AGPAT2: variants seen among roughly 807,000 people sequenced by gnomAD.
AGPAT2 encodes the protein 1-acyl-sn-glycerol-3-phosphate acyltransferase beta.
A neutral mutation model predicts 26.1 loss-of-function variants in AGPAT2; 18 were observed. The observed-to-expected ratio is 0.69, with a 90% CI of 0.48 to 1.02. The LOEUF is 1.02. AGPAT2 is among the 50% of genes least tolerant of loss of function. The pLI is 0.00. For synonymous variants in AGPAT2, 200 were observed against 174.2 expected (o/e 1.15, Z -1.16); for missense variants, 415 against 394.9 (o/e 1.05, Z -0.43).
rs111548744 is a variant in AGPAT2 at position 136,682,629 on chromosome 9, C to T, written c.182+4547G>A. 6.3e-4 allele frequency among the ~76,000 whole-genome samples: 96 copies of T among 152,360 alleles called. 1 individual carries two copies. The highest frequency in any genetic ancestry group is 2.0e-3 in the African/African-American group (85 of 41,596). On this transcript the variant is annotated intron_variant, in intron 1 of 5. Coordinates refer to ENST00000371696, the MANE Select transcript of AGPAT2 (RefSeq NM_006412.4). ...CCAGCAAGGCAGGAGGCCCAGGGAG[C>T]AGCCCAGCACCCAAAACTAAGTGAG...
Position 136,676,037 on chromosome 9 carries a change from G to A in AGPAT2, c.588+548C>T, listed in dbSNP as rs185138965. On this transcript the variant is annotated intron_variant, in intron 4 of 5. Coordinates refer to ENST00000371696, the MANE Select transcript of AGPAT2 (RefSeq NM_006412.4). Reference sequence around the variant, plus strand: ...AGCGGCAGAGGCAGGACAGGTGCTGGGGGAATGGCTATACCCTGGCCTCTC... The same window carrying A: ...AGCGGCAGAGGCAGGACAGGTGCTGAGGGAATGGCTATACCCTGGCCTCTC... 8.4e-3 allele frequency among the ~76,000 whole-genome samples: 1,279 copies of A among 152,270 alleles called. 13 individuals are homozygous for A. Among genetic ancestry groups the A allele is most frequent in the African/African-American group, 0.03 (1,238 of 41,548 alleles).
chr9:136,680,967 CCT>C (rs1464748185), intron 1 of AGPAT2, among the ~76,000 whole-genome samples: 5 of 152,114 alleles, frequency 3.3e-5, no homozygotes, highest in Non-Finnish European at 7.4e-5. Context: ...GCCGAGCCCT[CCT>C]CTGTTTTGAT....
intron 1 of AGPAT2, among the ~76,000 whole-genome samples, chr9:136,683,550 C>T (rs550509586): frequency 6.6e-6 from 1 of 152,170 alleles, no homozygotes; most frequent in Non-Finnish European, 1.5e-5. Context: ...TGGTGTTTTC[C>T]GACAAGTGTC....
rs576838239 is a variant in AGPAT2 at position 136,673,683 on chromosome 9, C to T, written c.*69G>A. Reference sequence around the variant, plus strand: ...TGGTATTTGGAAGCCGGGAGGAGTCCCCTCTGCCCATCCTCCAGCCATCGG... The same window carrying T: ...TGGTATTTGGAAGCCGGGAGGAGTCTCCTCTGCCCATCCTCCAGCCATCGG... On this transcript the variant is annotated 3_prime_UTR_variant, in exon 6 of 6. Transcript: ENST00000371696. 1.4e-6 allele frequency: 2 copies of T among 1,444,030 alleles called. No individual in the cohort carries two copies. Among genetic ancestry groups the T allele is most frequent in the South Asian group, 2.7e-5 (2 of 72,772 alleles). 89.5% of individuals were successfully genotyped at this position (1,444,030 alleles called of 1,614,324 possible). A position where few individuals can be genotyped will look rare whatever the true frequency, so the allele number is the denominator to read the frequency against.
chr9:136,685,687 G>C (rs1037856050), intron 1 of AGPAT2, among the ~76,000 whole-genome samples: 2 of 152,122 alleles, frequency 1.3e-5, no homozygotes, highest in African/African-American at 4.8e-5. Context: ...CCTCGGGGTG[G>C]GGGGCACCCC....
chr9:136,674,199 A>G (rs1320560806), intron 5 of AGPAT2, among the ~76,000 whole-genome samples: 1 of 152,078 alleles, frequency 6.6e-6, no homozygotes, highest in African/African-American at 2.4e-5. Context: ...CTTCCTGATC[A>G]GCCCCTACCT....
rs1034404336 is a variant in AGPAT2 at position 136,679,919 on chromosome 9, G to A, written c.183-2363C>T. Among the ~76,000 whole-genome samples, 5 of 152,310 alleles carry A rather than the reference G, an allele frequency of 3.3e-5. No homozygotes were observed. The East Asian group carries it at 7.7e-4, about 23-fold the overall frequency. On this transcript the variant is annotated intron_variant, in intron 1 of 5. Coordinates refer to ENST00000371696, the MANE Select transcript of AGPAT2 (RefSeq NM_006412.4). ...CCCTCTCAGAATCTTCCAGGAATTC[G>A]CCCGACGGCTGGAGTGAGAAGCCTG...
At chr9:136,681,797 A>G (rs1030524877) in intron 1 of AGPAT2, among the ~76,000 whole-genome samples, 4 of 152,034 alleles carry the variant, frequency 2.6e-5, no homozygotes, top group African/African-American at 7.2e-5. Flanking sequence ...GCAAGACTTC[A>G]TCTCACACAC....
chr9:136,676,507 G>T, intron 4 of AGPAT2, 78 bp downstream of exon 4: 1 of 1,176,634 alleles, frequency 8.5e-7, no homozygotes, highest in South Asian at 1.2e-5. Flanking sequence ...CTCGGCTGGT[G>T]GTCACCTGCT....
intron 1 of AGPAT2, among the ~76,000 whole-genome samples, chr9:136,681,148 C>T (rs1846155215): frequency 6.6e-6 from 1 of 150,570 alleles, no homozygotes; most frequent in Non-Finnish European, 1.5e-5. Flanking sequence ...TTGGATCGTG[C>T]ACTGATACTT....
At position 136,677,114 on chromosome 9, in the gene AGPAT2, C is replaced by A. The variant is rs1846102348; in HGVS notation, c.339G>T (p.Glu113Asp). The A allele has an allele frequency of 6.2e-7, 1 of 1,613,116 alleles. No homozygotes were observed. The highest frequency in any genetic ancestry group is 8.5e-7 in the Non-Finnish European group (1 of 1,179,982). ...CCCGCTTGGCGATCTGCACGCAGCG[C>A]TCCGGAAGGACCTCCATGAGGCCTG... ...DMMGLMEVLP[E>D]RCVQIAKREL... is the part of the protein sequence containing the mutation. Residue 113 changes from glutamate to aspartate, a missense_variant, in exon 3 of 6, where the codon GAG (glutamate) becomes GAT (aspartate). Physicochemically the swap from Glu to Asp is conservative, Grantham distance 45. Coordinates refer to ENST00000371696, the MANE Select transcript of AGPAT2 (RefSeq NM_006412.4).
Position 136,677,418 on chromosome 9 carries a change from C to T in AGPAT2, c.316+5G>A, listed in dbSNP as rs773010039. 1 of 1,613,238 alleles carries T rather than the reference C, an allele frequency of 6.2e-7. No individual in the cohort carries two copies. The highest frequency in any genetic ancestry group is 2.2e-5 in the East Asian group (1 of 44,880). ...CCCAGAAGCCACCCCCGAGGCCCGG[C>T]CTACCCATCATGTCCAGGATGCTCT... On this transcript the variant is annotated splice_donor_5th_base_variant and intron_variant, in intron 2 of 5. Coordinates refer to ENST00000371696, the MANE Select transcript of AGPAT2 (RefSeq NM_006412.4).
rs765276098 is a variant in AGPAT2, at chr9:136,674,736, T to C, written c.660A>G (p.Ser220=). 2 of 1,493,198 alleles carry C rather than the reference T, an allele frequency of 1.3e-6. No individual in the cohort carries two copies. Among genetic ancestry groups the C allele is most frequent in the East Asian group, 5.1e-5 (2 of 38,862 alleles). The allele number at this position is 1,493,198 out of a possible 1,614,324, so 92.5% of individuals were successfully genotyped here. ...CCGGGTGCACACATGTGGGGGTACCTGAAGTGAAGAACTTCTTCTTGGTGT... is the reference window on the plus strand; with the variant it reads ...CCGGGTGCACACATGTGGGGGTACCCGAAGTGAAGAACTTCTTCTTGGTGT... ...FYNTKKKFFT[S]GTVTVQVLEA... is the part of the protein sequence containing the mutation. Residue 220 remains serine (S), a splice_region_variant and synonymous_variant, in exon 5 of 6, where the codon TCA becomes TCG. Transcript: ENST00000371696.
chr9:136,679,041 A>G (rs929079240), intron 1 of AGPAT2, among the ~76,000 whole-genome samples: 19 of 152,206 alleles, frequency 1.2e-4, no homozygotes, highest in African/African-American at 4.6e-4. Flanking sequence ...GGCCTGAGCC[A>G]ACTCGCCCGG....
Position 136,676,610 on chromosome 9 carries a change from G to T in AGPAT2, c.563C>A (p.Ala188Asp), listed in dbSNP as rs917659244. Residue 188 changes from alanine to aspartate, a missense_variant, in exon 4 of 6, where the codon GCC becomes GAC. Ala to Asp is a moderately radical substitution (Grantham distance 126, BLOSUM62 -2). Coordinates refer to ENST00000371696, the MANE Select transcript of AGPAT2 (RefSeq NM_006412.4). ...NGDLLPFKKGAFYLAVQAQVP... is the reference protein window; with the variant it reads ...NGDLLPFKKGDFYLAVQAQVP... ...CTGTGCCTGGACTGCCAGGTAGAAG[G>T]CGCCCTTCTTAAAAGGCAGCAGGTC... The T allele has an allele frequency of 6.2e-7, 1 of 1,613,266 alleles. No individual in the cohort carries two copies. Among genetic ancestry groups the T allele is most frequent in the African/African-American group, 1.3e-5 (1 of 74,924 alleles).
At chr9:136,676,810 G>A in intron 3 of AGPAT2, 130 bp from the exon 4 acceptor site, 3 of 1,254,788 alleles carry the variant, frequency 2.4e-6, no homozygotes, top group Non-Finnish European at 3.4e-6. Flanking sequence ...GAGCATGGAT[G>A]ATGTAGGGGT....
intron 3 of AGPAT2, 125 bp from the exon 4 acceptor site, chr9:136,676,805 T>C (rs1347861694): frequency 4.0e-6 from 5 of 1,264,666 alleles, no homozygotes; most frequent in African/African-American, 3.0e-5. Context: ...CTGCGGAGCA[T>C]GGATGATGTA....
In AGPAT2 at chr9:136,682,222, C is replaced by T. The variant is rs553080592; in HGVS notation, c.183-4666G>A. Among the ~76,000 whole-genome samples, 4 of 152,286 alleles carry T rather than the reference C, an allele frequency of 2.6e-5. No individual in the cohort carries two copies. The South Asian group carries it at 6.2e-4, about 24-fold the overall frequency. On this transcript the variant is annotated intron_variant, in intron 1 of 5. Coordinates refer to ENST00000371696, the MANE Select transcript of AGPAT2 (RefSeq NM_006412.4). ...TCATCCTGAGGCTCCCTCCCTCCCC[C>T]GGGCTCCGCAGTCCCCTCAACCCCT...
rs1846108921 is a variant in AGPAT2 at position 136,677,528 on chromosome 9, T to C, written c.211A>G (p.Lys71Glu). 4 of 1,612,748 alleles carry C rather than the reference T, an allele frequency of 2.5e-6. No individual in the cohort carries two copies. In the East Asian group the frequency reaches 8.9e-5, roughly 36 times the overall value. The stretch of plus-strand genomic sequence containing the variant: ...TCGAAGCGGAGCCCGTAAAAGTACT[T>C]GAAGCTTCGCACGAACCAGCCGATG... ...SIIGWFVRSFKYFYGLRFEVR... is the reference protein window; with the variant it reads ...SIIGWFVRSFEYFYGLRFEVR... Residue 71 changes from lysine (K) to glutamate (E), a missense_variant, in exon 2 of 6, where the codon AAG (lysine) becomes GAG (glutamate). Physicochemically the swap from Lys to Glu is moderately conservative, Grantham distance 56 (BLOSUM62 1). Transcript: ENST00000371696.
Sources: gnomAD v4.1 joint callset for allele counts (sites outside exome capture counted in the v4.1 genomes callset) on GRCh38, gnomAD v4.1.1 for gene constraint, MANE v1.5 for transcripts, NCBI Gene and HGNC (gene_info 2026-07-23, HGNC 2026-07-21) for gene names.